Variants in TMEM65 observed in about 807,000 individuals in gnomAD.
TMEM65 encodes the protein transmembrane protein 65.
TMEM65 carries 22 observed loss-of-function variants against 25.4 expected under a neutral mutation model. The observed-to-expected ratio is 0.86, with a 90% CI of 0.62 to 1.23. The LOEUF (loss-of-function observed/expected upper bound fraction) is 1.23. TMEM65 is among the 50% of genes most tolerant of loss of function. TMEM65 has a pLI of 0.00. For synonymous variants in TMEM65, 132 were observed against 126.2 expected (o/e 1.05, Z -0.31); for missense variants, 262 against 308.2 (o/e 0.85, Z 1.12).
At position 124,359,062 on chromosome 8, in the gene TMEM65, G is replaced by A. The variant is rs150538990; in HGVS notation, c.304+12792C>T. Among the ~76,000 whole-genome samples, 15 of 152,378 alleles carry A rather than the reference G, an allele frequency of 9.8e-5. No homozygotes were observed. In the East Asian group the frequency reaches 2.9e-3, roughly 29 times the overall value. On this transcript the variant is annotated intron_variant, in intron 1 of 6. Coordinates refer to ENST00000297632, the MANE Select transcript of TMEM65 (RefSeq NM_194291.3). ...CTCAGATGTCTGACTGGGTCAGACA[G>A]AAACTGGTAGTAAATGGCAACACTG...
chr8:124,330,931 GACC>G, intron 1 of TMEM65, 139 bp from the exon 2 acceptor site: 1 of 780,952 alleles, frequency 1.3e-6, no homozygotes, highest in Non-Finnish European at 2.0e-6. Context: ...TAGGTTAAGG[GACC>G]ACATTTGTCC....
rs1814641250 is a variant in TMEM65, at chr8:124,346,423, C to T, written c.305-15631G>A. ...TCTGAAAAAGAAAGAGTCTTATTTCCTAGTCTATTTTTTTTATTATGCTTT... is the reference window on the plus strand; with the variant it reads ...TCTGAAAAAGAAAGAGTCTTATTTCTTAGTCTATTTTTTTTATTATGCTTT... On this transcript the variant is annotated intron_variant, in intron 1 of 6. Transcript: ENST00000297632. 2.0e-5 allele frequency among the ~76,000 whole-genome samples: 3 copies of T among 152,138 alleles called. No individual in the cohort carries two copies. The South Asian group carries it at 6.2e-4, about 32-fold the overall frequency.
At chr8:124,357,606 G>C (rs1361657186) in intron 1 of TMEM65, among the ~76,000 whole-genome samples, 1 of 151,906 alleles carries the variant, frequency 6.6e-6, no homozygotes, top group Admixed American at 6.6e-5. Flanking sequence ...GTATTGAATG[G>C]TGCATATTAT....
chr8:124,362,748 T>C (rs1563600175), intron 1 of TMEM65, among the ~76,000 whole-genome samples: 1 of 152,084 alleles, frequency 6.6e-6, no homozygotes, highest in Non-Finnish European at 1.5e-5. Flanking sequence ...TAAAATTAGC[T>C]GTAGTTTTAG....
chr8:124,342,086 C>A (rs544475766), intron 1 of TMEM65, among the ~76,000 whole-genome samples: 1 of 152,152 alleles, frequency 6.6e-6, no homozygotes, highest in African/African-American at 2.4e-5. Context: ...AGTCATCATT[C>A]TAGTTATTAT....
intron 3 of TMEM65, among the ~76,000 whole-genome samples, chr8:124,324,560 A>G (rs1057087642): frequency 6.6e-6 from 1 of 152,144 alleles, no homozygotes; most frequent in African/African-American, 2.4e-5. Context: ...AAAAAACTGG[A>G]GCACCAATAT....
At chr8:124,327,702 ACAC>A (rs1814382830) in intron 2 of TMEM65, among the ~76,000 whole-genome samples, 1 of 151,522 alleles carries the variant, frequency 6.6e-6, no homozygotes, top group African/African-American at 2.4e-5. Flanking sequence ...ACACACACAC[ACAC>A]AAATATATAC....
At chr8:124,325,345 T>C (rs917317145) in intron 3 of TMEM65, among the ~76,000 whole-genome samples, 5 of 152,044 alleles carry the variant, frequency 3.3e-5, no homozygotes, top group African/African-American at 1.2e-4. Flanking sequence ...TCCCCTTTCA[T>C]AGATTCTACA....
At chr8:124,327,563 C>T (rs1814380364) in intron 2 of TMEM65, 142 bp from the exon 3 acceptor site, 1 of 549,356 alleles carries the variant, frequency 1.8e-6, no homozygotes, top group South Asian at 2.8e-5. Context: ...CCAATAGATG[C>T]TGCTACTGCT....
intron 2 of TMEM65, among the ~76,000 whole-genome samples, chr8:124,327,879 T>G (rs1314825368): frequency 6.6e-6 from 1 of 152,194 alleles, no homozygotes; most frequent in Non-Finnish European, 1.5e-5. Flanking sequence ...TCAGAAAAGT[T>G]ATTTGGGTGC....
At chr8:124,335,525 T>C (rs868228938) in intron 1 of TMEM65, among the ~76,000 whole-genome samples, 21 of 152,276 alleles carry the variant, frequency 1.4e-4, no homozygotes, top group Middle Eastern at 3.4e-3. Context: ...CACTGTCTTA[T>C]AGTGTTTATA....
chr8:124,353,362 T>A (rs1292117973), intron 1 of TMEM65, among the ~76,000 whole-genome samples: 1 of 152,066 alleles, frequency 6.6e-6, no homozygotes, highest in African/African-American at 2.4e-5. Context: ...GAGTTAGAAA[T>A]ACGGAAAGTG....
chr8:124,324,533 CATCAT>C (rs968925000), intron 3 of TMEM65, among the ~76,000 whole-genome samples: 9 of 152,106 alleles, frequency 5.9e-5, no homozygotes, highest in South Asian at 4.1e-4. Context: ...ACATATGTAT[CATCAT>C]ATCTGAATGC....
chr8:124,371,821 C>T lies in TMEM65; in HGVS notation c.304+33G>A, dbSNP rs377714284. On this transcript the variant is annotated intron_variant, in intron 1 of 6. Transcript: ENST00000297632. ...TGGCGAGAAGAGGAGGGCGTCGGGG[C>T]CCCCGGGCTCGCCCCCCACCTGCCC... The T allele has an allele frequency of 3.3e-4, 486 of 1,486,138 alleles. 2 individuals are homozygous for T. The African/African-American group carries it at 6.5e-3, about 20-fold the overall frequency. 92.1% of individuals were successfully genotyped at this position (1,486,138 alleles called of 1,614,324 possible).
intron 3 of TMEM65, among the ~76,000 whole-genome samples, chr8:124,325,251 A>G (rs1175463473): frequency 6.6e-6 from 1 of 152,020 alleles, no homozygotes; most frequent in East Asian, 1.9e-4. Context: ...TAAAACAGTC[A>G]TAGCTGTCCC....
intron 1 of TMEM65, among the ~76,000 whole-genome samples, chr8:124,365,795 T>C (rs372592166): frequency 9.9e-5 from 15 of 152,230 alleles, no homozygotes; most frequent in African/African-American, 3.4e-4. Flanking sequence ...CCCTGGACTC[T>C]CTAGAAGGAC....
At chr8:124,362,198 T>C (rs1814875541) in intron 1 of TMEM65, among the ~76,000 whole-genome samples, 1 of 152,178 alleles carries the variant, frequency 6.6e-6, no homozygotes, top group Non-Finnish European at 1.5e-5. Context: ...GGCCAAGATA[T>C]GTTTTTGATA....
rs1252485226 is a variant in TMEM65 at position 124,308,695 on chromosome 8, T to C, written c.*5265A>G. ...GCTTTTGGAGATGAGTGCCTCTGAA[T>C]CAGTGCCACAGAATGAGGAGGAAGA... On this transcript the variant is annotated 3_prime_UTR_variant, in exon 7 of 7. Transcript: ENST00000297632. 1.3e-5 allele frequency: 2 copies of C among 152,138 alleles called. No individual in the cohort carries two copies. The highest frequency in any genetic ancestry group is 6.5e-5 in the Admixed American group (1 of 15,278). 9.4% of individuals were successfully genotyped at this position (152,138 alleles called of 1,614,324 possible). A position where few individuals can be genotyped will look rare whatever the true frequency, so the allele number is the denominator to read the frequency against.
chr8:124,327,520 T>A, intron 2 of TMEM65, 99 bp from the exon 3 acceptor site: 1 of 711,656 alleles, frequency 1.4e-6, no homozygotes, highest in Non-Finnish European at 2.2e-6. Context: ...ACAGACTTGA[T>A]AATCTCTAGA....
Sources: gnomAD v4.1 joint callset for allele counts (sites outside exome capture counted in the v4.1 genomes callset) on GRCh38, gnomAD v4.1.1 for gene constraint, MANE v1.5 for transcripts, NCBI Gene and HGNC (gene_info 2026-07-23, HGNC 2026-07-21) for gene names.